The following SRRM3 variants were observed in gnomAD, a reference collection of about 807,000 sequenced individuals.
The protein encoded by SRRM3 is serine/arginine repetitive matrix protein 3.
SRRM3 carries 27 observed loss-of-function variants against 66.2 expected under a neutral mutation model. The observed-to-expected ratio is 0.41, with a 90% CI of 0.30 to 0.56. SRRM3 has a LOEUF of 0.56. Among genes scored for constraint, SRRM3 ranks in the 20% least tolerant of loss-of-function variants. SRRM3 has a pLI of 0.32. For missense variants in SRRM3, 918 were observed against 991.9 expected, an observed-to-expected ratio of 0.93 and a Z score of 1.00; for synonymous variants, 391 against 414.9, an observed-to-expected ratio of 0.94 and a Z score of 0.70.
chr7:76,253,263 G>T (rs1156581802), intron 3 of SRRM3, among the ~76,000 whole-genome samples: 2 of 152,102 alleles, frequency 1.3e-5, no homozygotes, highest in African/African-American at 4.8e-5. Flanking sequence ...GAGGTGGGTG[G>T]ATCACCTGAG....
chr7:76,248,107 G>T, intron 2 of SRRM3, 81 bp from the exon 3 acceptor site: 8 of 1,103,650 alleles, frequency 7.2e-6, no homozygotes, highest in South Asian at 1.4e-5. Flanking sequence ...AGGGGTTGGC[G>T]GGGCTGGGCT....
At chr7:76,233,119 A>G (rs1368461486) in intron 1 of SRRM3, among the ~76,000 whole-genome samples, 2 of 152,166 alleles carry the variant, frequency 1.3e-5, no homozygotes, top group Non-Finnish European at 2.9e-5. Context: ...CCTGGGCAAA[A>G]TAACAAGAAC....
chr7:76,211,165 C>T (rs1421286160), intron 1 of SRRM3, among the ~76,000 whole-genome samples: 12 of 152,184 alleles, frequency 7.9e-5, no homozygotes, highest in East Asian at 1.9e-4. Context: ...CAAGGGCTAC[C>T]GGGACACCGG....
At position 76,235,188 on chromosome 7, in the gene SRRM3, C is replaced by T. The variant is rs184866622; in HGVS notation, c.122C>T (p.Ala41Val). 6.5e-7 allele frequency: 1 copy of T among 1,549,004 alleles called. No homozygotes were observed. Among genetic ancestry groups the T allele is most frequent in the Non-Finnish European group, 8.7e-7 (1 of 1,155,592 alleles). Residue 41 changes from alanine to valine, a missense_variant, in exon 2 of 15, where the codon GCC (alanine) becomes GTC (valine). Ala to Val is a moderately conservative substitution (Grantham distance 64). Coordinates refer to ENST00000611745, the MANE Select transcript of SRRM3 (RefSeq NM_001110199.3). ...CCGCGGGCGGAAGAGGAGCTGCGCG[C>T]CGCGGAGCCGGGCCTGGTGAAGCGC... Reference protein sequence around the residue: ...TWPRAEEELRAAEPGLVKRAH... With the variant: ...TWPRAEEELRVAEPGLVKRAH...
chr7:76,276,396 C>T (rs1401623674), intron 11 of SRRM3, among the ~76,000 whole-genome samples: 6 of 152,152 alleles, frequency 3.9e-5, no homozygotes, highest in Non-Finnish European at 7.3e-5. Context: ...GTGGGAAGCT[C>T]CTGCTCACCA....
intron 2 of SRRM3, among the ~76,000 whole-genome samples, chr7:76,238,039 C>T (rs1801191215): frequency 6.6e-6 from 1 of 152,100 alleles, no homozygotes; most frequent in African/African-American, 2.4e-5. Context: ...TATCCTGGAG[C>T]CACCTCTGAA....
At chr7:76,281,939 T>G in intron 12 of SRRM3, 137 bp downstream of exon 12, 1 of 450,220 alleles carries the variant, frequency 2.2e-6, no homozygotes, top group Non-Finnish European at 2.7e-6. Flanking sequence ...CCCACCGAGC[T>G]ACCCCCATGG....
intron 1 of SRRM3, among the ~76,000 whole-genome samples, chr7:76,205,567 T>C (rs1383036117): frequency 3.3e-5 from 5 of 152,206 alleles, no homozygotes; most frequent in African/African-American, 7.2e-5. Flanking sequence ...CAAAATTCCA[T>C]GAATAAGCCT....
At position 76,284,806 on chromosome 7, in the gene SRRM3, C is replaced by A. The variant is rs191617749; in HGVS notation, c.1734-809C>A. Reference sequence around the variant, plus strand: ...TTTTCTCTTCTCTGGGTCATAGCCTCCTGGCTTCCAACTAACTCTGGGCCA... The same window carrying A: ...TTTTCTCTTCTCTGGGTCATAGCCTACTGGCTTCCAACTAACTCTGGGCCA... On this transcript the variant is annotated intron_variant, in intron 14 of 14. Coordinates refer to ENST00000611745, the MANE Select transcript of SRRM3 (RefSeq NM_001110199.3). Among the ~76,000 whole-genome samples, 457 of 152,350 alleles carry A rather than the reference C, an allele frequency of 3.0e-3. 1 individual carries two copies. Among genetic ancestry groups the A allele is most frequent in the Non-Finnish European group, 4.6e-3 (316 of 68,038 alleles).
At chr7:76,212,845 A>G (rs1384778300) in intron 1 of SRRM3, among the ~76,000 whole-genome samples, 4 of 151,838 alleles carry the variant, frequency 2.6e-5, no homozygotes, top group Non-Finnish European at 4.4e-5. Context: ...CACTTTGCAC[A>G]TGTGGTTCCC....
intron 1 of SRRM3, among the ~76,000 whole-genome samples, chr7:76,225,138 C>G (rs1348662822): frequency 1.3e-5 from 2 of 152,190 alleles, no homozygotes. Flanking sequence ...GAAACTGAGG[C>G]TCGGAGAAGT....
Position 76,285,963 on chromosome 7 carries a change from G to C in SRRM3, c.*120G>C, listed in dbSNP as rs1802659935. Reference sequence around the variant, plus strand: ...CCCCAAGGCTACAAAGAGGTCTCAGGGCCAGTGCACGGGCAGATGGGACCG... The same window carrying C: ...CCCCAAGGCTACAAAGAGGTCTCAGCGCCAGTGCACGGGCAGATGGGACCG... On this transcript the variant is annotated 3_prime_UTR_variant, in exon 15 of 15. Transcript: ENST00000611745. This position sits in a 1 kb window ranked among gnomAD's most constrained non-coding sequence, Gnocchi z 4.1. 1 of 1,137,246 alleles carries C rather than the reference G, an allele frequency of 8.8e-7. No homozygotes were observed. The highest frequency in any genetic ancestry group is 1.2e-6 in the Non-Finnish European group (1 of 810,906). 70.4% of individuals were successfully genotyped at this position (1,137,246 alleles called of 1,614,324 possible). A position where few individuals can be genotyped will look rare whatever the true frequency, so the allele number is the denominator to read the frequency against.
rs782606508 is a variant in SRRM3, at chr7:76,264,805, GAGA to G, written c.722_724del (p.Lys241del). ...GTGCAAAAGAAAAGAGAAGAACAAA[GAGA>G]AGAAGAGGTAAGCGCCCTCCCTACT... is the stretch of plus-strand genomic sequence containing the variant. On this transcript the variant is annotated inframe_deletion, in exon 9 of 15. Coordinates refer to ENST00000611745, the MANE Select transcript of SRRM3 (RefSeq NM_001110199.3). 11 of 1,613,622 alleles carry G rather than the reference GAGA, an allele frequency of 6.8e-6. No homozygotes were observed. The highest frequency in any genetic ancestry group is 1.7e-4 in the Middle Eastern group (1 of 6,060).
At chr7:76,236,444 G>A (rs115710990) in intron 2 of SRRM3, among the ~76,000 whole-genome samples, 1 of 150,682 alleles carries the variant, frequency 6.6e-6, no homozygotes, top group Non-Finnish European at 1.5e-5. Flanking sequence ...TACACGGGGT[G>A]GGGGGGCGGG....
intron 1 of SRRM3, among the ~76,000 whole-genome samples, chr7:76,204,439 C>T (rs534238627): frequency 6.6e-6 from 1 of 152,312 alleles, no homozygotes; most frequent in East Asian, 1.9e-4. Context: ...CTCCCTTTCA[C>T]ATAGGAGAAA....
In SRRM3 at chr7:76,281,478, C is replaced by G. The variant is rs1802505714; in HGVS notation, c.1046C>G (p.Ala349Gly). The G allele has an allele frequency of 8.2e-7, 1 of 1,226,494 alleles. No individual in the cohort carries two copies. Among genetic ancestry groups the G allele is most frequent in the East Asian group, 3.2e-5 (1 of 31,094 alleles). 76.0% of individuals were successfully genotyped at this position (1,226,494 alleles called of 1,614,324 possible). The change falls in exon 12 of 15, where the codon GCG (alanine) becomes GGG (glycine). Residue 349 changes from alanine to glycine, a missense_variant. Physicochemically the swap from Ala to Gly is moderately conservative, Grantham distance 60 (BLOSUM62 0). Transcript: ENST00000611745. ...CCCTCGCCCAGGGTCCGTGACAAGG[C>G]GGCGGCCGCCGCACCCACGCCGCCC... ...SSPSPRVRDK[A>G]AAAAPTPPAR...
chr7:76,234,523 C>T (rs1015244665), intron 1 of SRRM3, among the ~76,000 whole-genome samples: 12 of 152,138 alleles, frequency 7.9e-5, no homozygotes, highest in Non-Finnish European at 1.5e-4. Flanking sequence ...CCATCTTCCC[C>T]TCTCTGTAGG....
In SRRM3 at chr7:76,217,489, T is replaced by C. The variant is rs530770592; in HGVS notation, c.-40+15422T>C. Among the ~76,000 whole-genome samples the C allele has an allele frequency of 1.1e-4, 17 of 152,288 alleles. No homozygotes were observed. In the South Asian group the frequency reaches 3.3e-3, roughly 30 times the overall value. The stretch of plus-strand genomic sequence containing the variant: ...TAGTAGAGACTGAGTTTCCCCATAT[T>C]GGCCAGGCTGTTCTCAAATTGCTGA... On this transcript the variant is annotated intron_variant, in intron 1 of 14. Coordinates refer to ENST00000611745, the MANE Select transcript of SRRM3 (RefSeq NM_001110199.3).
At chr7:76,238,083 C>A (rs1478742216) in intron 2 of SRRM3, among the ~76,000 whole-genome samples, 1 of 152,194 alleles carries the variant, frequency 6.6e-6, no homozygotes, top group African/African-American at 2.4e-5. Context: ...CCCCTGCCCT[C>A]CCCATCCTCA....
Sources: allele counts gnomAD v4.1 joint callset (sites outside exome capture counted in the v4.1 genomes callset), GRCh38; gene constraint gnomAD v4.1.1; non-coding constraint Gnocchi (gnomAD v3.1); transcripts MANE v1.5; gene names NCBI Gene and HGNC (gene_info 2026-07-23, HGNC 2026-07-21).